Variants in RAB3GAP2 observed in about 807,000 individuals in gnomAD.
RAB3GAP2 encodes RAB3 GTPase activating non-catalytic protein subunit 2.
Under a neutral mutation model 185.3 loss-of-function variants are expected in RAB3GAP2, and 87 were observed. The ratio of observed to expected loss-of-function variants is 0.47; its 90% CI spans 0.39 to 0.56. RAB3GAP2 has a LOEUF of 0.56. Ranked by LOEUF, RAB3GAP2 falls within the 20% of genes least tolerant of loss-of-function variation. The pLI is 0.00. For missense variants in RAB3GAP2, 1,492 were observed against 1,638.2 expected, an observed-to-expected ratio of 0.91 and a Z score of 1.54; for synonymous variants, 554 against 576.1, an observed-to-expected ratio of 0.96 and a Z score of 0.55.
rs1233985852 is a variant in RAB3GAP2 at position 220,150,762 on chromosome 1, T to A, written c.*489A>T. The A allele has an allele frequency of 6.4e-6, 1 of 156,870 alleles. No individual in the cohort carries two copies. The highest frequency in any genetic ancestry group is 2.4e-5 in the African/African-American group (1 of 41,440). The allele number at this position is 156,870 out of a possible 1,614,324, so 9.7% of individuals were successfully genotyped here. A position where few individuals can be genotyped will look rare whatever the true frequency, so the allele number is the denominator to read the frequency against. On this transcript the variant is annotated 3_prime_UTR_variant, in exon 35 of 35. Coordinates refer to ENST00000358951, the MANE Select transcript of RAB3GAP2 (RefSeq NM_012414.4). ...CCTTTCGGTATCCAGAACTCCCAGG[T>A]GGCAGCCCAGTGTGGGATTTGGAGC...
At position 220,151,087 on chromosome 1, in the gene RAB3GAP2, GC is replaced by G. The variant is rs762873254; in HGVS notation, c.*163del. 5.9e-5 allele frequency: 39 copies of G among 659,002 alleles called. No homozygotes were observed. The highest frequency in any genetic ancestry group is 8.8e-5 in the Non-Finnish European group (35 of 396,538). The allele number at this position is 659,002 out of a possible 1,614,324, so 40.8% of individuals were successfully genotyped here. A position where few individuals can be genotyped will look rare whatever the true frequency, so the allele number is the denominator to read the frequency against. ...GTATTAACCAAAGGAGTGGAATTTA[GC>G]CAGGGTTGCACTTTTTAAAAGTTGT... On this transcript the variant is annotated 3_prime_UTR_variant, in exon 35 of 35. Coordinates refer to ENST00000358951, the MANE Select transcript of RAB3GAP2 (RefSeq NM_012414.4).
chr1:220,216,521 A>C (rs1262610068), intron 2 of RAB3GAP2, among the ~76,000 whole-genome samples: 1 of 152,124 alleles, frequency 6.6e-6, no homozygotes, highest in Non-Finnish European at 1.5e-5. Flanking sequence ...AACAACTGAG[A>C]CTCCAATTAT....
At chr1:220,263,373 C>T (rs951530173) in intron 1 of RAB3GAP2, among the ~76,000 whole-genome samples, 8 of 152,056 alleles carry the variant, frequency 5.3e-5, no homozygotes, top group African/African-American at 1.9e-4. Flanking sequence ...GCATGCAAGT[C>T]CAATGTCATG....
At chr1:220,268,371 G>C (rs1022876613) in intron 1 of RAB3GAP2, among the ~76,000 whole-genome samples, 6 of 152,120 alleles carry the variant, frequency 3.9e-5, no homozygotes, top group Non-Finnish European at 8.8e-5. Flanking sequence ...TATCATGAAG[G>C]GTTGAAAATA....
rs537731357 is a variant in RAB3GAP2, at chr1:220,153,856, G to A, written c.3645+112C>T. On this transcript the variant is annotated intron_variant, in intron 32 of 34. Transcript: ENST00000358951. Reference sequence around the variant, plus strand: ...TATGAGTGAGAACATGTGCTGTTTGGTTTTCTGTCCTTGCGATAGAAAGTA... The same window carrying A: ...TATGAGTGAGAACATGTGCTGTTTGATTTTCTGTCCTTGCGATAGAAAGTA... 5.7e-4 allele frequency: 838 copies of A among 1,470,484 alleles called. 1 individual carries two copies. The highest frequency in any genetic ancestry group is 4.5e-3 in the Middle Eastern group (23 of 5,120). 91.1% of individuals were successfully genotyped at this position (1,470,484 alleles called of 1,614,324 possible).
chr1:220,153,701 C>A (rs568734157), intron 32 of RAB3GAP2: 11 of 433,176 alleles, frequency 2.5e-5, no homozygotes, highest in African/African-American at 1.6e-4. Context: ...TGCTGCACCC[C>A]TTAAGTCATC....
At chr1:220,243,665 A>G (rs1017412140) in intron 1 of RAB3GAP2, among the ~76,000 whole-genome samples, 2 of 152,190 alleles carry the variant, frequency 1.3e-5, no homozygotes, top group Non-Finnish European at 2.9e-5. Context: ...TGAATCTGGT[A>G]TGATGCTGTC....
intron 21 of RAB3GAP2, among the ~76,000 whole-genome samples, chr1:220,179,382 T>C (rs1658359619): frequency 6.6e-6 from 1 of 151,684 alleles, no homozygotes; most frequent in Non-Finnish European, 1.5e-5. Flanking sequence ...AAAGCAAATA[T>C]TAATAGATCT....
At chr1:220,210,288 C>G in intron 7 of RAB3GAP2, 100 bp downstream of exon 7, 2 of 886,896 alleles carry the variant, frequency 2.3e-6, no homozygotes, top group Non-Finnish European at 3.9e-6. Flanking sequence ...AACTGTGCCA[C>G]AAGACAAAGA....
chr1:220,247,321 C>T (rs1659838809), intron 1 of RAB3GAP2, among the ~76,000 whole-genome samples: 1 of 152,158 alleles, frequency 6.6e-6, no homozygotes, highest in Non-Finnish European at 1.5e-5. Flanking sequence ...TATAGCAGCA[C>T]AATTCACAAC....
chr1:220,170,806 T>G, intron 24 of RAB3GAP2, 86 bp downstream of exon 24: 1 of 1,105,958 alleles, frequency 9.0e-7, no homozygotes. Flanking sequence ...TATTTTTCTT[T>G]CTCTATTCTT....
chr1:220,154,104 G>T lies in RAB3GAP2; in HGVS notation c.3556-47C>A, dbSNP rs199524170. ...AAACTGATGAGTGTGGATTATTAAG[G>T]GGGGAGAGGGAGAAAGATTTGTTTA... On this transcript the variant is annotated intron_variant, in intron 31 of 34. Transcript: ENST00000358951. The T allele has an allele frequency of 1.2e-3, 1,930 of 1,593,488 alleles. 2 individuals carry two copies. Among genetic ancestry groups the T allele is most frequent in the Non-Finnish European group, 1.5e-3 (1,810 of 1,175,448 alleles).
rs577803844 is a variant in RAB3GAP2 at position 220,151,845 on chromosome 1, G to A, written c.3868-81C>T. 7.1e-6 allele frequency: 10 copies of A among 1,414,168 alleles called. No individual in the cohort carries two copies. The East Asian group carries it at 1.4e-4, about 19-fold the overall frequency. 87.6% of individuals were successfully genotyped at this position (1,414,168 alleles called of 1,614,324 possible). A position where few individuals can be genotyped will look rare whatever the true frequency, so the allele number is the denominator to read the frequency against. The stretch of plus-strand genomic sequence containing the variant: ...CTATAGGAAAGGGGTTGCCAGTGAA[G>A]AGATTCTAGTTGATTTTTGAACTGT... On this transcript the variant is annotated intron_variant, in intron 33 of 34. Coordinates refer to ENST00000358951, the MANE Select transcript of RAB3GAP2 (RefSeq NM_012414.4).
At chr1:220,174,278 G>A (rs952725634) in intron 21 of RAB3GAP2, among the ~76,000 whole-genome samples, 14 of 151,510 alleles carry the variant, frequency 9.2e-5, no homozygotes, top group African/African-American at 2.9e-4. Context: ...ACACATACAC[G>A]CACACTCTTT....
chr1:220,159,276 G>T, intron 29 of RAB3GAP2, 110 bp downstream of exon 29: 2 of 900,088 alleles, frequency 2.2e-6, no homozygotes, highest in South Asian at 1.5e-5. Flanking sequence ...ATCTCCTTCT[G>T]ATACGTCATC....
chr1:220,209,047 TC>T (rs1325386993), intron 7 of RAB3GAP2, among the ~76,000 whole-genome samples: 2 of 152,110 alleles, frequency 1.3e-5, no homozygotes, highest in Non-Finnish European at 2.9e-5. Context: ...GTCCTTTCTC[TC>T]TTCCCATACA....
chr1:220,151,043 T>C lies in RAB3GAP2; in HGVS notation c.*208A>G, dbSNP rs564310173. 1.8e-6 allele frequency: 1 copy of C among 543,690 alleles called. No individual in the cohort carries two copies. Among genetic ancestry groups the C allele is most frequent in the South Asian group, 2.6e-5 (1 of 37,924 alleles). 33.7% of individuals were successfully genotyped at this position (543,690 alleles called of 1,614,324 possible). The stretch of plus-strand genomic sequence containing the variant: ...TATTAATTATAACAGAGTTGACATT[T>C]GTTTATATTTTATCTTCAGTATTAA... On this transcript the variant is annotated 3_prime_UTR_variant, in exon 35 of 35. Coordinates refer to ENST00000358951, the MANE Select transcript of RAB3GAP2 (RefSeq NM_012414.4).
At chr1:220,237,391 G>A (rs567577811) in intron 1 of RAB3GAP2, among the ~76,000 whole-genome samples, 4 of 152,296 alleles carry the variant, frequency 2.6e-5, no homozygotes, top group Middle Eastern at 6.8e-3. Flanking sequence ...TATGTCTTTC[G>A]TTTTACTGTA....
Position 220,153,352 on chromosome 1 carries a change from C to A in RAB3GAP2, c.3700G>T (p.Val1234Phe), listed in dbSNP as rs754431924. ...AVQAQHSATKVKDPTEEATPT... is the reference protein window; with the variant it reads ...AVQAQHSATKFKDPTEEATPT... ...GTGGCCTCTTCTGTGGGATCTTTGA[C>A]CTTTGTGGCTGAATGTTGGGCCTGG... Residue 1234 changes from valine (V) to phenylalanine (F), a missense_variant, in exon 33 of 35, where the codon GTC becomes TTC. This residue lies in a region of RAB3GAP2 where 387 missense variants were observed against 455.3 expected (regional missense o/e 0.85). Transcript: ENST00000358951. 6.2e-7 allele frequency: 1 copy of A among 1,614,144 alleles called. No individual in the cohort carries two copies. Among genetic ancestry groups the A allele is most frequent in the Non-Finnish European group, 8.5e-7 (1 of 1,180,008 alleles).
Sources: allele counts gnomAD v4.1 joint callset (sites outside exome capture counted in the v4.1 genomes callset), GRCh38; gene constraint gnomAD v4.1.1; regional missense constraint gnomAD v4.1.1; transcripts MANE v1.5; gene names NCBI Gene and HGNC (gene_info 2026-07-23, HGNC 2026-07-21).